LDAH: variants seen among roughly 807,000 people sequenced by gnomAD.
The protein encoded by LDAH is lipid droplet associated hydrolase, also known as lipid droplet-associated hydrolase.
In LDAH, 26 loss-of-function variants were observed where a neutral mutation model predicts 29.6. The observed-to-expected ratio is 0.88, with a 90% CI of 0.64 to 1.22. The LOEUF is 1.22. Among genes scored for constraint, LDAH ranks in the 50% most tolerant of loss-of-function variants. The probability of loss-of-function intolerance (pLI) is 0.00; values close to 1 mark genes in which losing one functional copy is unlikely to be tolerated. For missense variants in LDAH, 344 were observed against 387.3 expected (o/e 0.89, Z 0.94); for synonymous variants, 117 against 133.0 (o/e 0.88, Z 0.83).
rs114247407 is a variant in LDAH, at chr2:20,762,026, T to C, written c.468+12784A>G. On this transcript the variant is annotated intron_variant, in intron 4 of 6. Transcript: ENST00000237822. ...ATTTTATAATTATCAAGCTTTTCCA[T>C]GTGTGATTTTTATACAGTTGTATTC... Among the ~76,000 whole-genome samples the C allele has an allele frequency of 4.4e-3, 676 of 152,184 alleles. 7 individuals carry two copies. Among genetic ancestry groups the C allele is most frequent in the African/African-American group, 0.015 (639 of 41,560 alleles).
intron 2 of LDAH, among the ~76,000 whole-genome samples, chr2:20,799,226 T>TAAAC (rs902000092): frequency 2.0e-5 from 3 of 152,142 alleles, no homozygotes; most frequent in African/African-American, 7.2e-5. Context: ...AGACTCTGTC[T>TAAAC]AAACAAACAA....
chr2:20,725,344 T>G (rs1665937704), intron 5 of LDAH, among the ~76,000 whole-genome samples: 1 of 152,150 alleles, frequency 6.6e-6, no homozygotes, highest in East Asian at 1.9e-4. Context: ...AGCTCTACTG[T>G]GGATGGGTAC....
chr2:20,700,026 G>T (rs1663806127), intron 6 of LDAH, among the ~76,000 whole-genome samples: 1 of 152,240 alleles, frequency 6.6e-6, no homozygotes, highest in African/African-American at 2.4e-5. Flanking sequence ...GTGAATTTTG[G>T]AAGTGAGCAT....
At chr2:20,800,743 C>T (rs530930568) in intron 2 of LDAH, among the ~76,000 whole-genome samples, 1 of 152,210 alleles carries the variant, frequency 6.6e-6, no homozygotes, top group South Asian at 2.1e-4. Flanking sequence ...AATCAATTCT[C>T]CTGCCTCAGC....
chr2:20,745,111 T>C (rs620359), intron 4 of LDAH, among the ~76,000 whole-genome samples: 122,964 of 152,164 alleles, frequency 0.81, 50,132 homozygotes, highest in South Asian at 0.9. Flanking sequence ...GTCCTAATAA[T>C]ATTTCTGTAT....
chr2:20,734,994 T>C (rs1558425118), intron 5 of LDAH, among the ~76,000 whole-genome samples: 5 of 152,236 alleles, frequency 3.3e-5, no homozygotes, highest in Non-Finnish European at 1.5e-5. Context: ...TAGCTGTCCT[T>C]CAAACAGACT....
At chr2:20,734,833 G>A (rs1666666761) in intron 5 of LDAH, among the ~76,000 whole-genome samples, 1 of 152,118 alleles carries the variant, frequency 6.6e-6, no homozygotes, top group African/African-American at 2.4e-5. Context: ...ATGTTGACAA[G>A]TTCTTTTAGT....
chr2:20,687,239 C>T (rs1430489665), intron 6 of LDAH, 145 bp from the exon 7 acceptor site: 2 of 606,152 alleles, frequency 3.3e-6, no homozygotes, highest in Non-Finnish European at 5.7e-6. Flanking sequence ...GAGTGTGGCT[C>T]TCTCAAGGCA....
chr2:20,698,773 C>T lies in LDAH; in HGVS notation c.786+2797G>A, dbSNP rs1034246264. On this transcript the variant is annotated intron_variant, in intron 6 of 6. Coordinates refer to ENST00000237822, the MANE Select transcript of LDAH (RefSeq NM_021925.4). The surrounding 1 kb of genome is among the most constrained non-coding windows in gnomAD (Gnocchi z 4.4). ...AACCATGAGTCTGTTATATTTGCTC[C>T]AGGAAAGAAAAATTATTTTAATAAA... Among the ~76,000 whole-genome samples the T allele has an allele frequency of 2.6e-5, 4 of 152,308 alleles. No individual in the cohort carries two copies. The highest frequency in any genetic ancestry group is 6.5e-5 in the Admixed American group (1 of 15,298).
At chr2:20,789,422 T>C in intron 3 of LDAH, 1 of 1,446,614 alleles carries the variant, frequency 6.9e-7, no homozygotes, top group East Asian at 2.5e-5. Flanking sequence ...CAAGAAACTA[T>C]GAGAAATCAA....
In LDAH at chr2:20,753,000, G is replaced by A. The variant is rs1170736693; in HGVS notation, c.469-12795C>T. ...GACAACAACAACAACAACAACAACA[G>A]CAACAACAAAAACCAGGCACCTTCA... On this transcript the variant is annotated intron_variant, in intron 4 of 6. Transcript: ENST00000237822. Among the ~76,000 whole-genome samples, 3 of 145,932 alleles carry A rather than the reference G, an allele frequency of 2.1e-5. No individual in the cohort carries two copies. In the Admixed American group the frequency reaches 2.1e-4, roughly 10 times the overall value.
At chr2:20,724,317 T>C (rs1363238168) in intron 5 of LDAH, among the ~76,000 whole-genome samples, 3 of 152,232 alleles carry the variant, frequency 2.0e-5, no homozygotes, top group East Asian at 3.8e-4. Flanking sequence ...AGCCCTATGA[T>C]ATATTAAAAT....
At chr2:20,708,077 CT>C (rs1434329403) in intron 5 of LDAH, among the ~76,000 whole-genome samples, 6 of 152,188 alleles carry the variant, frequency 3.9e-5, no homozygotes, top group African/African-American at 1.4e-4. Context: ...CTCCCTCCCA[CT>C]TTTCTACATT....
At chr2:20,766,028 T>C (rs1669008647) in intron 4 of LDAH, among the ~76,000 whole-genome samples, 1 of 152,200 alleles carries the variant, frequency 6.6e-6, no homozygotes. Context: ...TGCTCTGTTC[T>C]TAGCTGCTGT....
At chr2:20,697,275 C>T (rs2149344869) in intron 6 of LDAH, among the ~76,000 whole-genome samples, 1 of 152,314 alleles carries the variant, frequency 6.6e-6, no homozygotes, top group South Asian at 2.1e-4. Context: ...CATCTCCATT[C>T]CCCAATATCC....
intron 3 of LDAH, among the ~76,000 whole-genome samples, chr2:20,781,555 A>C (rs1393734362): frequency 6.6e-6 from 1 of 152,240 alleles, no homozygotes; most frequent in Non-Finnish European, 1.5e-5. Flanking sequence ...ATACATTTGC[A>C]AACATAACCT....
chr2:20,822,364 C>A (rs1315447663), intron 1 of LDAH, among the ~76,000 whole-genome samples: 2 of 151,974 alleles, frequency 1.3e-5, no homozygotes, highest in African/African-American at 4.8e-5. Flanking sequence ...AGGATGGTCT[C>A]GATCTCCTGA....
intron 1 of LDAH, among the ~76,000 whole-genome samples, chr2:20,817,752 A>G (rs961981664): frequency 6.6e-6 from 1 of 152,132 alleles, no homozygotes; most frequent in Non-Finnish European, 1.5e-5. Context: ...GTGTAACCCA[A>G]ATGTTCTTCA....
intron 6 of LDAH, among the ~76,000 whole-genome samples, chr2:20,694,960 G>A (rs114899316): frequency 1.0e-3 from 156 of 152,340 alleles, no homozygotes; most frequent in African/African-American, 3.6e-3. Context: ...TTCCTCTGGC[G>A]AGGCCCTCTG....
Sources: gnomAD v4.1 joint callset for allele counts (sites outside exome capture counted in the v4.1 genomes callset) on GRCh38, gnomAD v4.1.1 for gene constraint, Gnocchi (gnomAD v3.1) non-coding constraint, MANE v1.5 for transcripts, NCBI Gene and HGNC (gene_info 2026-07-23, HGNC 2026-07-21) for gene names.